RIC1: variants seen among roughly 807,000 people sequenced by gnomAD.
The protein encoded by RIC1 is RIC1 partner of RAB6A GEF complex.
RIC1 carries 88 observed loss-of-function variants against 169.0 expected under a neutral mutation model. The observed-to-expected ratio is 0.52, with a 90% confidence interval of 0.44 to 0.62. The LOEUF (loss-of-function observed/expected upper bound fraction) is 0.62, where lower values mean the gene tolerates loss of function less well. RIC1 is among the 20% of genes least tolerant of loss of function. The probability of loss-of-function intolerance (pLI) is 0.00; values close to 1 mark genes in which losing one functional copy is unlikely to be tolerated. For synonymous variants in RIC1, 790 were observed against 601.5 expected, an observed-to-expected ratio of 1.31 and a Z score of -4.59; for missense variants, 1,877 against 1,725.5, an observed-to-expected ratio of 1.09 and a Z score of -1.56.
chr9:5,740,331 G>T (rs1220821322), intron 8 of RIC1, among the ~76,000 whole-genome samples: 1 of 151,916 alleles, frequency 6.6e-6, no homozygotes, highest in Non-Finnish European at 1.5e-5. Context: ...AATGATATTA[G>T]GCAGCCAACT....
At chr9:5,642,606 A>G (rs1374016098) in intron 1 of RIC1, among the ~76,000 whole-genome samples, 2 of 144,946 alleles carry the variant, frequency 1.4e-5, no homozygotes, top group Middle Eastern at 3.4e-3. Context: ...CTCAAACCGT[A>G]ACACAAAATT....
At chr9:5,757,275 T>C (rs759127149) in intron 16 of RIC1, 38 bp from the exon 17 acceptor site, 1 of 1,607,734 alleles carries the variant, frequency 6.2e-7, no homozygotes, top group Non-Finnish European at 8.5e-7. Context: ...CTTATTAGCA[T>C]TGTTGTTGAG....
At chr9:5,715,974 A>C (rs1029133785) in intron 4 of RIC1, among the ~76,000 whole-genome samples, 3 of 152,034 alleles carry the variant, frequency 2.0e-5, no homozygotes, top group Non-Finnish European at 4.4e-5. Flanking sequence ...CCTATCAAGT[A>C]GCTGGGACTA....
At chr9:5,655,375 A>G (rs1819033101) in intron 1 of RIC1, among the ~76,000 whole-genome samples, 1 of 152,080 alleles carries the variant, frequency 6.6e-6, no homozygotes, top group Admixed American at 6.6e-5. Flanking sequence ...ATCTCAGCTC[A>G]CTGCAACCTC....
intron 2 of RIC1, among the ~76,000 whole-genome samples, chr9:5,680,815 ATTTTTT>A (rs66478510): frequency 8.7e-5 from 5 of 57,764 alleles, no homozygotes; most frequent in Non-Finnish European, 1.4e-4. Flanking sequence ...GCAGTCATTG[ATTTTTT>A]TTTTTTTTTT....
rs73392666 is a variant in RIC1 at position 5,692,279 on chromosome 9, A to G, written c.332+2241A>G. On this transcript the variant is annotated intron_variant, in intron 3 of 25. Coordinates refer to ENST00000414202, the MANE Select transcript of RIC1 (RefSeq NM_020829.4). ...TATGACTTCTTTCAAGTTATTTAAT[A>G]CCACCAAAAACTTTCCTCATCTGTA... Among the ~76,000 whole-genome samples, 868 of 152,188 alleles carry G rather than the reference A, an allele frequency of 5.7e-3. 10 individuals are homozygous for G. The highest frequency in any genetic ancestry group is 0.02 in the African/African-American group (823 of 41,562).
At chr9:5,690,195 T>C (rs957358597) in intron 3 of RIC1, among the ~76,000 whole-genome samples, 157 bp downstream of exon 3, 8 of 152,160 alleles carry the variant, frequency 5.3e-5, no homozygotes, top group African/African-American at 1.4e-4. Context: ...GAACTGTCAT[T>C]TCTTGAATAA....
rs1422620835 is a variant in RIC1 at position 5,757,300 on chromosome 9, T to G, written c.1854-13T>G. Reference sequence around the variant, plus strand: ...TTGTTGTTGAGGTATGTGGGTTTCTTTTGTTTTTACAGTCCAAATACTACT... The same window carrying G: ...TTGTTGTTGAGGTATGTGGGTTTCTGTTGTTTTTACAGTCCAAATACTACT... On this transcript the variant is annotated splice_polypyrimidine_tract_variant and intron_variant, in intron 16 of 25. Coordinates refer to ENST00000414202, the MANE Select transcript of RIC1 (RefSeq NM_020829.4). 1.2e-6 allele frequency: 2 copies of G among 1,613,650 alleles called. No individual in the cohort carries two copies. The highest frequency in any genetic ancestry group is 1.7e-5 in the Admixed American group (1 of 59,998).
At chr9:5,718,281 G>A (rs73641648) in intron 4 of RIC1, among the ~76,000 whole-genome samples, 1 of 149,440 alleles carries the variant, frequency 6.7e-6, no homozygotes, top group Non-Finnish European at 1.5e-5. Context: ...TTTATGGCTT[G>A]TCTTTACAGC....
chr9:5,683,564 G>T (rs1437852803), intron 2 of RIC1, among the ~76,000 whole-genome samples: 4 of 152,196 alleles, frequency 2.6e-5, no homozygotes, highest in African/African-American at 9.7e-5. Context: ...CTACTGGGGG[G>T]TGCCCCTCAG....
chr9:5,731,123 A>T (rs1162641846), intron 6 of RIC1, among the ~76,000 whole-genome samples: 1 of 152,100 alleles, frequency 6.6e-6, no homozygotes, highest in African/African-American at 2.4e-5. Flanking sequence ...TTTAACCTCC[A>T]GTATTCAATA....
intron 2 of RIC1, among the ~76,000 whole-genome samples, chr9:5,663,549 A>G (rs1819580584): frequency 6.6e-6 from 1 of 151,984 alleles, no homozygotes; most frequent in Non-Finnish European, 1.5e-5. Flanking sequence ...GGCGCTTATT[A>G]AATTGAACCC....
At chr9:5,669,134 C>A (rs1819948911) in intron 2 of RIC1, among the ~76,000 whole-genome samples, 1 of 152,128 alleles carries the variant, frequency 6.6e-6, no homozygotes, top group African/African-American at 2.4e-5. Flanking sequence ...GATGGGTGGT[C>A]TCTGAAGTTT....
At chr9:5,727,276 ACTTCT>A (rs1203183090) in intron 6 of RIC1, among the ~76,000 whole-genome samples, 22 of 151,692 alleles carry the variant, frequency 1.5e-4, no homozygotes, top group African/African-American at 4.1e-4. Flanking sequence ...TTTTCTCTAA[ACTTCT>A]CTTCTCACTT....
intron 8 of RIC1, among the ~76,000 whole-genome samples, chr9:5,741,924 A>T (rs1255143502): frequency 1.3e-5 from 2 of 152,120 alleles, no homozygotes; most frequent in African/African-American, 4.8e-5. Context: ...TCCAGAGAGG[A>T]TTTAAATTTC....
chr9:5,691,390 G>C (rs1189859834), intron 3 of RIC1, among the ~76,000 whole-genome samples: 2 of 151,932 alleles, frequency 1.3e-5, no homozygotes, highest in African/African-American at 2.4e-5. Context: ...AGATTTTCTT[G>C]ATGCTATAGC....
Position 5,745,843 on chromosome 9 carries a change from A to G in RIC1, c.1096-88A>G. The G allele has an allele frequency of 5.4e-6, 6 of 1,111,606 alleles. No homozygotes were observed. The South Asian group carries it at 7.4e-5, about 14-fold the overall frequency. The allele number at this position is 1,111,606 out of a possible 1,614,324, so 68.9% of individuals were successfully genotyped here. ...ATCATTAATAATGCTATCATTGGCT[A>G]TTTCAGAATTTGAATAATTGAAGCT... On this transcript the variant is annotated intron_variant, in intron 10 of 25. Transcript: ENST00000414202.
intron 1 of RIC1, among the ~76,000 whole-genome samples, chr9:5,641,248 C>T (rs1188146736): frequency 6.6e-6 from 1 of 151,934 alleles, no homozygotes; most frequent in African/African-American, 2.4e-5. Context: ...CCCACCACCA[C>T]ACCCGGCTAA....
chr9:5,764,756 G>T (rs1041710250), intron 19 of RIC1, among the ~76,000 whole-genome samples: 6 of 152,122 alleles, frequency 3.9e-5, no homozygotes, highest in African/African-American at 1.4e-4. Flanking sequence ...GCTGTTTTTT[G>T]GTTCCGGGTC....
Sources: allele counts gnomAD v4.1 joint callset (sites outside exome capture counted in the v4.1 genomes callset), GRCh38; gene constraint gnomAD v4.1.1; transcripts MANE v1.5; gene names NCBI Gene and HGNC (gene_info 2026-07-23, HGNC 2026-07-21).